Variants in VPS13B observed in about 807,000 individuals in gnomAD.
VPS13B encodes intermembrane lipid transfer protein VPS13B.
Under a neutral mutation model 426.4 loss-of-function variants are expected in VPS13B, and 285 were observed. That is an observed-to-expected ratio of 0.67 (90% CI 0.61 to 0.74). The LOEUF (loss-of-function observed/expected upper bound fraction) is 0.74, where lower values mean the gene tolerates loss of function less well. VPS13B is among the 30% of genes least tolerant of loss of function. The probability of loss-of-function intolerance (pLI) is 0.00; values close to 1 mark genes in which losing one functional copy is unlikely to be tolerated. For synonymous variants in VPS13B, 1,676 were observed against 1,676.4 expected (o/e 1.00, Z 0.01); for missense variants, 4,537 against 4,782.6 (o/e 0.95, Z 1.51).
chr8:99,242,958 T>A (rs1222148202), intron 17 of VPS13B, among the ~76,000 whole-genome samples: 2 of 152,212 alleles, frequency 1.3e-5, no homozygotes, highest in Non-Finnish European at 2.9e-5. Flanking sequence ...ACTTGAACTT[T>A]TACTGTAATT....
chr8:99,695,101 G>A (rs909815830), intron 35 of VPS13B, among the ~76,000 whole-genome samples: 11 of 149,868 alleles, frequency 7.3e-5, no homozygotes, highest in Non-Finnish European at 1.5e-4. Flanking sequence ...CTGTTGGTGG[G>A]ACTGTAAACT....
intron 3 of VPS13B, among the ~76,000 whole-genome samples, chr8:99,039,835 T>TAATATAG (rs1842900346): frequency 6.6e-6 from 1 of 152,100 alleles, no homozygotes; most frequent in African/African-American, 2.4e-5. Flanking sequence ...CAATTTAACT[T>TAATATAG]AATATAGTTT....
At chr8:99,804,901 G>C (rs1191546022) in intron 43 of VPS13B, among the ~76,000 whole-genome samples, 5 of 152,054 alleles carry the variant, frequency 3.3e-5, no homozygotes. Flanking sequence ...GGGAGGCTGA[G>C]GCAGGAAGAT....
chr8:99,717,377 T>A lies in VPS13B; in HGVS notation c.6657+4T>A. 6.2e-7 allele frequency: 1 copy of A among 1,613,248 alleles called. No individual in the cohort carries two copies. The highest frequency in any genetic ancestry group is 1.1e-5 in the South Asian group (1 of 91,060). ...CTTAAGAGGAGGTCTACTACAGGTC[T>A]GTGGGTATTGGCCATATTTTTTTCA... On this transcript the variant is annotated splice_donor_region_variant and intron_variant, in intron 37 of 61. Coordinates refer to ENST00000357162, the MANE Select transcript of VPS13B (RefSeq NM_152564.5).
At chr8:99,293,010 T>C (rs570411404) in intron 19 of VPS13B, among the ~76,000 whole-genome samples, 6 of 152,138 alleles carry the variant, frequency 3.9e-5, no homozygotes, top group African/African-American at 1.4e-4. Flanking sequence ...AGTTTGTTAC[T>C]AGAGAAGTTT....
At chr8:99,824,021 GAAAC>G in intron 51 of VPS13B, 43 bp downstream of exon 51, 1 of 1,600,202 alleles carries the variant, frequency 6.2e-7, no homozygotes, top group Non-Finnish European at 8.5e-7. Context: ...TTTTGATAAA[GAAAC>G]AATAAATAGG....
At chr8:99,738,502 A>G (rs1020852187) in intron 39 of VPS13B, among the ~76,000 whole-genome samples, 1 of 152,248 alleles carries the variant, frequency 6.6e-6, no homozygotes, top group African/African-American at 2.4e-5. Context: ...GAACACATTA[A>G]GAAAATTCAG....
rs1298680138 is a variant in VPS13B, at chr8:99,207,761, A to G, written c.2515+14704A>G. Among the ~76,000 whole-genome samples, 5 of 152,248 alleles carry G rather than the reference A, an allele frequency of 3.3e-5. No homozygotes were observed. In the South Asian group the frequency reaches 6.2e-4, roughly 19 times the overall value. On this transcript the variant is annotated intron_variant, in intron 17 of 61. Transcript: ENST00000357162. ...GTATTTTTTTGCTGTTTATTTGCCT[A>G]TGTATTCTTTGCTCATGTTTATGTC...
chr8:99,874,337 G>A (rs952856543), intron 61 of VPS13B, among the ~76,000 whole-genome samples: 3 of 152,096 alleles, frequency 2.0e-5, no homozygotes, highest in African/African-American at 7.2e-5. Context: ...GTGAATCTTT[G>A]GGGACCGTTT....
At chr8:99,513,854 G>A (rs1268366725) in intron 29 of VPS13B, among the ~76,000 whole-genome samples, 1 of 152,098 alleles carries the variant, frequency 6.6e-6, no homozygotes, top group Non-Finnish European at 1.5e-5. Flanking sequence ...TTTAAAATGG[G>A]TATCTAATAA....
intron 19 of VPS13B, among the ~76,000 whole-genome samples, chr8:99,334,635 T>C (rs1810721762): frequency 6.6e-6 from 1 of 152,228 alleles, no homozygotes; most frequent in African/African-American, 2.4e-5. Flanking sequence ...TCTTTGGTCC[T>C]GTTTATATGC....
chr8:99,481,886 C>T (rs1820056632), intron 25 of VPS13B, 84 bp downstream of exon 25: 3 of 1,467,746 alleles, frequency 2.0e-6, no homozygotes, highest in Admixed American at 1.9e-5. Flanking sequence ...ATGAAGATAA[C>T]CTCACTACTG....
intron 40 of VPS13B, among the ~76,000 whole-genome samples, chr8:99,772,570 C>T (rs1032505444): frequency 6.6e-6 from 1 of 152,014 alleles, no homozygotes; most frequent in Non-Finnish European, 1.5e-5. Flanking sequence ...TGTGAATGTA[C>T]TTAATGTCAC....
intron 33 of VPS13B, among the ~76,000 whole-genome samples, chr8:99,615,628 T>C (rs1304613758): frequency 6.6e-6 from 1 of 152,220 alleles, no homozygotes; most frequent in Non-Finnish European, 1.5e-5. Context: ...AATGGATCAC[T>C]GTCTAGATTT....
At chr8:99,762,608 T>A (rs997657934) in intron 39 of VPS13B, among the ~76,000 whole-genome samples, 8 of 152,322 alleles carry the variant, frequency 5.3e-5, no homozygotes, top group Middle Eastern at 6.8e-3. Flanking sequence ...TCCAACCCAT[T>A]ATTAAGAAAT....
At position 99,414,669 on chromosome 8, in the gene VPS13B, G is replaced by A. The variant is rs1018433926; in HGVS notation, c.3083-16868G>A. Among the ~76,000 whole-genome samples the A allele has an allele frequency of 7.9e-5, 12 of 152,124 alleles. No individual in the cohort carries two copies. The South Asian group carries it at 1.0e-3, about 13-fold the overall frequency. ...CTGTAAAGGATTTTATTTCTCCTTCGCTTATGAAGTTTACTTTGGCTGGAT... is the reference window on the plus strand; with the variant it reads ...CTGTAAAGGATTTTATTTCTCCTTCACTTATGAAGTTTACTTTGGCTGGAT... On this transcript the variant is annotated intron_variant, in intron 21 of 61. Transcript: ENST00000357162.
intron 19 of VPS13B, among the ~76,000 whole-genome samples, chr8:99,312,108 G>T (rs1164199433): frequency 6.6e-6 from 1 of 152,048 alleles, no homozygotes; most frequent in Admixed American, 6.6e-5. Context: ...CACACTGATG[G>T]GACTTGACTG....
intron 39 of VPS13B, among the ~76,000 whole-genome samples, chr8:99,733,384 T>C (rs1345387076): frequency 2.0e-5 from 3 of 152,224 alleles, no homozygotes; most frequent in Admixed American, 6.5e-5. Flanking sequence ...TTATGTAAAG[T>C]AACTTCTTAG....
At chr8:99,036,259 T>C (rs928507522) in intron 2 of VPS13B, among the ~76,000 whole-genome samples, 12 of 152,184 alleles carry the variant, frequency 7.9e-5, no homozygotes, top group African/African-American at 2.9e-4. Context: ...TTTTGAGATA[T>C]ATTCAACTCT....
Sources: gnomAD v4.1 joint callset for allele counts (sites outside exome capture counted in the v4.1 genomes callset) on GRCh38, gnomAD v4.1.1 for gene constraint, MANE v1.5 for transcripts, NCBI Gene and HGNC (gene_info 2026-07-23, HGNC 2026-07-21) for gene names.